DCT: variants seen among roughly 807,000 people sequenced by gnomAD.
DCT encodes the protein L-dopachrome tautomerase.
DCT carries 47 observed loss-of-function variants against 53.0 expected under a neutral mutation model. The ratio of observed to expected loss-of-function variants is 0.89; its 90% confidence interval spans 0.70 to 1.13. DCT has a LOEUF of 1.13. DCT is among the 50% of genes most tolerant of loss of function. The pLI, the probability that DCT is intolerant of heterozygous loss-of-function variation, is 0.00. For missense variants in DCT, 669 were observed against 637.4 expected, an observed-to-expected ratio of 1.05 and a Z score of -0.53; for synonymous variants, 244 against 237.0, an observed-to-expected ratio of 1.03 and a Z score of -0.27.
At chr13:94,440,115 T>C (rs764710757) in intron 7 of DCT, 39 bp from the exon 8 acceptor site, 1 of 1,551,642 alleles carries the variant, frequency 6.4e-7, no homozygotes, top group South Asian at 1.2e-5. Flanking sequence ...AGGATTTTCA[T>C]CAGCTGAATA....
In DCT at chr13:94,439,707, T is replaced by G. The variant is rs1882138408; in HGVS notation, c.*191A>C. 4.6e-6 allele frequency: 2 copies of G among 437,032 alleles called. No individual in the cohort carries two copies. The highest frequency in any genetic ancestry group is 8.0e-6 in the Non-Finnish European group (2 of 249,142). The allele number at this position is 437,032 out of a possible 1,614,324, so 27.1% of individuals were successfully genotyped here. A position where few individuals can be genotyped will look rare whatever the true frequency, so the allele number is the denominator to read the frequency against. On this transcript the variant is annotated 3_prime_UTR_variant, in exon 8 of 8. Transcript: ENST00000377028. ...TAGAGGTAGCCTCAAGCACTTTAGT[T>G]GGGTTTGTTAAACAAGCAAGCAAAG... is the stretch of plus-strand genomic sequence containing the variant.
chr13:94,452,546 T>C (rs1883164232), intron 6 of DCT: 3 of 733,238 alleles, frequency 4.1e-6, no homozygotes, highest in Non-Finnish European at 7.5e-6. Flanking sequence ...CTGTAACATT[T>C]ATCAAATTTC....
intron 6 of DCT, chr13:94,452,645 CAAACGATTAG>C (rs755774166): frequency 1.3e-6 from 1 of 764,730 alleles, no homozygotes; most frequent in African/African-American, 1.7e-5. Context: ...CATTGTAAAG[CAAACGATTAG>C]AAATCACCTA....
At chr13:94,463,181 G>A (rs1343578849) in intron 4 of DCT, among the ~76,000 whole-genome samples, 1 of 152,012 alleles carries the variant, frequency 6.6e-6, no homozygotes, top group African/African-American at 2.4e-5. Flanking sequence ...CTGTTGTACA[G>A]GCTAGAGTGC....
At chr13:94,442,081 G>A (rs1882365989) in intron 7 of DCT, among the ~76,000 whole-genome samples, 1 of 151,980 alleles carries the variant, frequency 6.6e-6, no homozygotes, top group African/African-American at 2.4e-5. Context: ...TTTCTGCCTG[G>A]CATCTAAGGC....
chr13:94,503,579 A>C, the DCT span, among the ~76,000 whole-genome samples: 1 of 152,130 alleles, frequency 6.6e-6, no homozygotes, highest in Non-Finnish European at 1.5e-5. Flanking sequence ...AACTGGAGAG[A>C]CACAAGGAAG....
chr13:94,477,172 T>A (rs1368147111), intron 1 of DCT, among the ~76,000 whole-genome samples: 4 of 152,182 alleles, frequency 2.6e-5, no homozygotes, highest in African/African-American at 7.2e-5. Flanking sequence ...TTCTGCTCAC[T>A]GCAACCTCTG....
At chr13:94,497,958 C>A in the DCT span, among the ~76,000 whole-genome samples, 9 of 152,310 alleles carry the variant, frequency 5.9e-5, 1 homozygote, top group East Asian at 1.2e-3. Flanking sequence ...AATATGTCTG[C>A]TCTGCACTTT....
At chr13:94,547,962 C>CAAAA in the DCT span, among the ~76,000 whole-genome samples, 25 of 67,898 alleles carry the variant, frequency 3.7e-4, 1 homozygote, top group African/African-American at 2.5e-3. Context: ...AACTCCGTCT[C>CAAAA]AAAAAAAAAA....
the DCT span, among the ~76,000 whole-genome samples, chr13:94,496,897 C>T: frequency 6.6e-6 from 1 of 152,160 alleles, no homozygotes; most frequent in Admixed American, 6.5e-5. Flanking sequence ...CTGCAGGCCT[C>T]AGTGCTCCTT....
At chr13:94,481,698 C>T (rs1186138269), upstream of DCT, among the ~76,000 whole-genome samples, 2 of 152,200 alleles carry the variant, frequency 1.3e-5, no homozygotes, top group Non-Finnish European at 2.9e-5. Flanking sequence ...ACTTTGACCT[C>T]AGTTGTGAGC....
the DCT span, among the ~76,000 whole-genome samples, chr13:94,488,719 TATATACACAC>T: frequency 1.4e-3 from 115 of 83,596 alleles, no homozygotes; most frequent in African/African-American, 5.3e-3. Context: ...TCTTGTCTAA[TATATACACAC>T]ACACACACAC....
chr13:94,521,445 C>T, the DCT span, among the ~76,000 whole-genome samples: 62 of 152,288 alleles, frequency 4.1e-4, no homozygotes, highest in African/African-American at 1.2e-3. Flanking sequence ...CCGAGGTGGG[C>T]GGATCACCTG....
chr13:94,460,727 T>G (rs187050998), intron 5 of DCT, among the ~76,000 whole-genome samples: 22 of 152,212 alleles, frequency 1.4e-4, no homozygotes, highest in Non-Finnish European at 2.8e-4. Flanking sequence ...GCCACTGCAC[T>G]CTACCCTAGG....
Position 94,465,713 on chromosome 13 carries a change from C to G in DCT, c.783G>C (p.Leu261=), listed in dbSNP as rs746782953. The change falls in exon 4 of 8, where the codon CTG becomes CTC. Residue 261 remains leucine (L), a synonymous_variant. Coordinates refer to ENST00000377028, the MANE Select transcript of DCT (RefSeq NM_001922.5). ...RNECDVCTDQ[L]FGAARPDDPT... is the part of the protein sequence containing the mutation. The stretch of plus-strand genomic sequence containing the variant: ...GATCGTCTGGTCTCGCTGCCCCAAA[C>G]AGCTGGTCTGTACACACATCACACT... 6 of 1,613,372 alleles carry G rather than the reference C, an allele frequency of 3.7e-6. No homozygotes were observed. The South Asian group carries it at 5.5e-5, about 15-fold the overall frequency.
At chr13:94,458,725 C>T (rs1883580415) in intron 6 of DCT, among the ~76,000 whole-genome samples, 1 of 151,994 alleles carries the variant, frequency 6.6e-6, no homozygotes. Flanking sequence ...TCACTTGAAC[C>T]CAGGAGGCAG....
the DCT span, among the ~76,000 whole-genome samples, chr13:94,515,851 A>C: frequency 3.9e-5 from 6 of 152,204 alleles, no homozygotes; most frequent in African/African-American, 1.4e-4. Flanking sequence ...CGTGATCTCC[A>C]AGGAAGGTGT....
At chr13:94,514,417 T>C in the DCT span, among the ~76,000 whole-genome samples, 1 of 152,182 alleles carries the variant, frequency 6.6e-6, no homozygotes, top group African/African-American at 2.4e-5. Context: ...ATACTGACCA[T>C]TGCAGAGTCT....
the DCT span, among the ~76,000 whole-genome samples, chr13:94,533,793 A>G: frequency 8.5e-5 from 13 of 152,158 alleles, no homozygotes. Context: ...AAAAGAAAGA[A>G]AGAAAGAAAT....
Sources: allele counts gnomAD v4.1 joint callset (sites outside exome capture counted in the v4.1 genomes callset), GRCh38; gene constraint gnomAD v4.1.1; transcripts MANE v1.5; gene names NCBI Gene and HGNC (gene_info 2026-07-23, HGNC 2026-07-21).